The following GRB14 variants were observed in gnomAD, a reference collection of about 807,000 sequenced individuals.
The protein encoded by GRB14 is growth factor receptor-bound protein 14.
A neutral mutation model predicts 69.1 loss-of-function variants in GRB14; 38 were observed. The observed-to-expected ratio is 0.55, with a 90% confidence interval of 0.42 to 0.72. GRB14 has a LOEUF of 0.72. Ranked by LOEUF, GRB14 falls within the 30% of genes least tolerant of loss-of-function variation. GRB14 has a pLI of 0.00. For missense variants in GRB14, 666 were observed against 666.1 expected (o/e 1.00, Z 0.00); for synonymous variants, 247 against 241.3 (o/e 1.02, Z -0.22).
intron 2 of GRB14, among the ~76,000 whole-genome samples, chr2:164,610,911 C>CAAA (rs375922623): frequency 7.9e-5 from 10 of 126,746 alleles, no homozygotes; most frequent in East Asian, 2.5e-4. Flanking sequence ...TTAGGCTGGT[C>CAAA]AAAAAAAAAA....
intron 3 of GRB14, among the ~76,000 whole-genome samples, chr2:164,533,536 G>T (rs909407369): frequency 2.0e-5 from 3 of 152,028 alleles, no homozygotes; most frequent in Non-Finnish European, 4.4e-5. Context: ...CTTTTATTTT[G>T]AAAGGTATTC....
chr2:164,533,714 A>G (rs962707587), intron 3 of GRB14, among the ~76,000 whole-genome samples: 10 of 152,206 alleles, frequency 6.6e-5, no homozygotes, highest in African/African-American at 2.4e-4. Context: ...ATCAAACTAC[A>G]TTTGAACAGC....
At chr2:164,520,750 T>C (rs1444651626) in intron 6 of GRB14, among the ~76,000 whole-genome samples, 1 of 151,548 alleles carries the variant, frequency 6.6e-6, no homozygotes. Flanking sequence ...AACAAACATA[T>C]GAAAAAAATA....
intron 8 of GRB14, among the ~76,000 whole-genome samples, chr2:164,507,507 C>A (rs1228799126): frequency 6.6e-6 from 1 of 152,042 alleles, no homozygotes; most frequent in Non-Finnish European, 1.5e-5. Flanking sequence ...TATGCATAAT[C>A]AATATATTGG....
At chr2:164,563,635 GAGA>G (rs1460484814) in intron 2 of GRB14, among the ~76,000 whole-genome samples, 3 of 152,282 alleles carry the variant, frequency 2.0e-5, no homozygotes, top group East Asian at 1.9e-4. Flanking sequence ...AATAGAAAGC[GAGA>G]AGGAGTTCAG....
At chr2:164,616,620 A>G (rs1397992987) in intron 2 of GRB14, among the ~76,000 whole-genome samples, 3 of 152,172 alleles carry the variant, frequency 2.0e-5, no homozygotes, top group Non-Finnish European at 4.4e-5. Context: ...TCAAATAGTA[A>G]ACAAAATTTA....
Position 164,492,493 on chromosome 2 carries a change from G to A in GRB14, c.*543C>T, listed in dbSNP as rs142569400. On this transcript the variant is annotated 3_prime_UTR_variant, in exon 14 of 14. Coordinates refer to ENST00000263915, the MANE Select transcript of GRB14 (RefSeq NM_004490.3). ...TCAACATATTTCAAAATGGTTTAAA[G>A]CTACTATCTCAAAATATGATTTCAT... Among the ~76,000 whole-genome samples the A allele has an allele frequency of 7.7e-3, 1,171 of 151,802 alleles. 14 individuals are homozygous for A. Among genetic ancestry groups the A allele is most frequent in the African/African-American group, 0.027 (1,125 of 41,472 alleles).
intron 2 of GRB14, among the ~76,000 whole-genome samples, chr2:164,559,598 G>A (rs1012427518): frequency 2.6e-5 from 4 of 152,132 alleles, no homozygotes; most frequent in Non-Finnish European, 5.9e-5. Flanking sequence ...ATTTCATCCA[G>A]GTTGCTACAA....
chr2:164,495,262 A>G (rs1375618412), intron 12 of GRB14, among the ~76,000 whole-genome samples: 1 of 151,542 alleles, frequency 6.6e-6, no homozygotes, highest in Non-Finnish European at 1.5e-5. Context: ...TTTTATTATA[A>G]CCCCCTCTTC....
intron 2 of GRB14, among the ~76,000 whole-genome samples, chr2:164,564,060 G>C (rs980694756): frequency 6.6e-6 from 1 of 152,136 alleles, no homozygotes; most frequent in African/African-American, 2.4e-5. Flanking sequence ...CTAAATCAAG[G>C]CACCTTGAAG....
intron 2 of GRB14, among the ~76,000 whole-genome samples, chr2:164,553,585 T>C (rs1222737670): frequency 1.3e-5 from 2 of 152,248 alleles, no homozygotes; most frequent in African/African-American, 2.4e-5. Flanking sequence ...CTCTTAGATA[T>C]AGTCTGTAAT....
intron 2 of GRB14, among the ~76,000 whole-genome samples, chr2:164,577,397 G>A (rs901205550): frequency 1.3e-5 from 2 of 152,130 alleles, no homozygotes; most frequent in Non-Finnish European, 2.9e-5. Flanking sequence ...GTATGAACAG[G>A]GCGAATTTCC....
At chr2:164,603,762 AC>A (rs1689983296) in intron 2 of GRB14, among the ~76,000 whole-genome samples, 1 of 152,192 alleles carries the variant, frequency 6.6e-6, no homozygotes, top group Non-Finnish European at 1.5e-5. Context: ...ACTAGATTTA[AC>A]TAAATTAAAA....
chr2:164,542,598 T>C (rs920829565), intron 3 of GRB14, among the ~76,000 whole-genome samples: 4 of 152,134 alleles, frequency 2.6e-5, no homozygotes, highest in Non-Finnish European at 5.9e-5. Flanking sequence ...GAATCAACAC[T>C]TCTTGAAAGA....
At chr2:164,557,660 C>G (rs756729707) in intron 2 of GRB14, among the ~76,000 whole-genome samples, 1 of 152,138 alleles carries the variant, frequency 6.6e-6, no homozygotes, top group Non-Finnish European at 1.5e-5. Flanking sequence ...TCCATCAAGT[C>G]ACCCCTGACC....
At chr2:164,500,759 T>G (rs1050730324) in intron 9 of GRB14, among the ~76,000 whole-genome samples, 1 of 151,976 alleles carries the variant, frequency 6.6e-6, no homozygotes, top group Non-Finnish European at 1.5e-5. Context: ...ACTCAAGGAG[T>G]ATCTCTTCCT....
intron 2 of GRB14, among the ~76,000 whole-genome samples, chr2:164,580,238 G>T (rs112289169): frequency 0.017 from 2,628 of 152,004 alleles, 56 homozygotes; most frequent in African/African-American, 0.06. Context: ...GGGATTACAG[G>T]TGCCCAACCA....
chr2:164,522,109 C>G lies in GRB14; in HGVS notation c.687G>C (p.Leu229=). ...ISPTQILQMF[L]SSSTYPEIHG... is the part of the protein sequence containing the mutation. Reference sequence around the variant, plus strand: ...GAATTTCAGGATATGTGCTTGAACTCAGAAACATCTGAAAGAAAATTTATA... The same window carrying G: ...GAATTTCAGGATATGTGCTTGAACTGAGAAACATCTGAAAGAAAATTTATA... The change falls in exon 6 of 14, where the codon CTG becomes CTC. Residue 229 remains leucine, a synonymous_variant. Transcript: ENST00000263915. 1 of 1,569,056 alleles carries G rather than the reference C, an allele frequency of 6.4e-7. No individual in the cohort carries two copies. Among genetic ancestry groups the G allele is most frequent in the Non-Finnish European group, 8.7e-7 (1 of 1,152,804 alleles).
chr2:164,556,933 A>G (rs1192934155), intron 2 of GRB14, among the ~76,000 whole-genome samples: 2 of 125,092 alleles, frequency 1.6e-5, no homozygotes, highest in Non-Finnish European at 4.1e-5. Flanking sequence ...AGACAGTATT[A>G]GTGAATTCCA....
Sources: gnomAD v4.1 joint callset for allele counts (sites outside exome capture counted in the v4.1 genomes callset) on GRCh38, gnomAD v4.1.1 for gene constraint, MANE v1.5 for transcripts, NCBI Gene and HGNC (gene_info 2026-07-23, HGNC 2026-07-21) for gene names.